The following DNAAF5 variants were observed in gnomAD, a reference collection of about 807,000 sequenced individuals.
The protein encoded by DNAAF5 is HEAT repeat containing 2.
Under a neutral mutation model 75.8 loss-of-function variants are expected in DNAAF5, and 64 were observed. The observed-to-expected ratio is 0.84, with a 90% confidence interval of 0.69 to 1.04. DNAAF5 has a LOEUF of 1.04. DNAAF5 is among the 50% of genes least tolerant of loss of function. DNAAF5 has a pLI of 0.00. For synonymous variants in DNAAF5, 657 were observed against 557.2 expected (o/e 1.18, Z -2.52); for missense variants, 1,269 against 1,178.5 (o/e 1.08, Z -1.12).
chr7:749,520 C>G (rs762792589), intron 4 of DNAAF5, among the ~76,000 whole-genome samples: 1 of 152,184 alleles, frequency 6.6e-6, no homozygotes, highest in Non-Finnish European at 1.5e-5. Flanking sequence ...CGCACCCATT[C>G]TGCTTTGCTT....
chr7:762,329 T>C (rs1782684314), intron 7 of DNAAF5, among the ~76,000 whole-genome samples: 2 of 151,820 alleles, frequency 1.3e-5, no homozygotes, highest in Admixed American at 1.3e-4. Flanking sequence ...CTACTAAAAA[T>C]ACAAAAAATT....
chr7:780,826 CTTTT>C (rs201445917), intron 12 of DNAAF5, among the ~76,000 whole-genome samples: 7 of 131,268 alleles, frequency 5.3e-5, no homozygotes, highest in Non-Finnish European at 1.2e-4. Context: ...TTTTTTTTTT[CTTTT>C]TTTTTTTTTT....
chr7:768,134 A>C (rs567218513), intron 8 of DNAAF5, among the ~76,000 whole-genome samples: 102 of 87,654 alleles, frequency 1.2e-3, no homozygotes, highest in Admixed American at 3.7e-3. Flanking sequence ...GGAAGTGTCC[A>C]TGCTGCGAGC....
rs4719279 is a variant in DNAAF5, at chr7:773,981, T to C, written c.1932-67T>C. The C allele has an allele frequency of 0.81, 1,275,447 of 1,582,518 alleles. 516,372 individuals are homozygous for C. Among genetic ancestry groups the C allele is most frequent in the South Asian group, 0.85 (76,948 of 90,374 alleles). Reference sequence around the variant, plus strand: ...CTCCCCCCTCAGCCCCATTCATCCCTAGTCTGAAACGTTTCTTCCGAGCAC... The same window carrying C: ...CTCCCCCCTCAGCCCCATTCATCCCCAGTCTGAAACGTTTCTTCCGAGCAC... On this transcript the variant is annotated intron_variant, in intron 9 of 12. Transcript: ENST00000297440.
At chr7:783,462 C>T (rs1008747472) in intron 12 of DNAAF5, among the ~76,000 whole-genome samples, 1 of 152,182 alleles carries the variant, frequency 6.6e-6, no homozygotes, top group Admixed American at 6.5e-5. Context: ...GACTCACAGA[C>T]CCTCTGAAGG....
intron 2 of DNAAF5, among the ~76,000 whole-genome samples, chr7:737,804 G>A (rs1781784328): frequency 6.6e-6 from 1 of 152,174 alleles, no homozygotes; most frequent in African/African-American, 2.4e-5. Flanking sequence ...TGCGTTGTAC[G>A]TGATTTGTTG....
chr7:783,044 C>T (rs1357092512), intron 12 of DNAAF5, among the ~76,000 whole-genome samples: 3 of 152,238 alleles, frequency 2.0e-5, no homozygotes, highest in Admixed American at 1.3e-4. Context: ...CAGGGCCAAG[C>T]TTTGGCTCAT....
At chr7:775,646 C>T (rs547981534) in intron 11 of DNAAF5, among the ~76,000 whole-genome samples, 41 of 152,238 alleles carry the variant, frequency 2.7e-4, no homozygotes, top group African/African-American at 9.9e-4. Context: ...TTCCACAGTT[C>T]CAAAAAGCAA....
intron 10 of DNAAF5, 82 bp downstream of exon 10, chr7:774,280 G>A (rs1778679644): frequency 7.1e-7 from 1 of 1,413,988 alleles, no homozygotes; most frequent in South Asian, 1.4e-5. Flanking sequence ...TCCCGCAGCA[G>A]GAACTTGGGC....
chr7:754,848 C>T lies in DNAAF5; in HGVS notation c.1257+27C>T, dbSNP rs779062265. The T allele has an allele frequency of 2.1e-5, 32 of 1,515,504 alleles. No individual in the cohort carries two copies. Among genetic ancestry groups the T allele is most frequent in the Admixed American group, 5.6e-5 (3 of 53,674 alleles). 93.9% of individuals were successfully genotyped at this position (1,515,504 alleles called of 1,614,324 possible). The stretch of plus-strand genomic sequence containing the variant: ...TAAGTGGCCGTATTCCAGTCGTGGT[C>T]GCGGAGCTGTAACTCGAGCTTAAGA... On this transcript the variant is annotated intron_variant, in intron 5 of 12. Transcript: ENST00000297440. The surrounding 1 kb of genome is among the most constrained non-coding windows in gnomAD (Gnocchi z 4.8).
intron 8 of DNAAF5, among the ~76,000 whole-genome samples, chr7:765,463 C>T (rs1350796775): frequency 5.3e-5 from 8 of 152,216 alleles, no homozygotes; most frequent in Admixed American, 5.2e-4. Flanking sequence ...ATTGGGCACA[C>T]AAACCCCGAG....
At chr7:775,643 G>C (rs1451449138) in intron 11 of DNAAF5, among the ~76,000 whole-genome samples, 2 of 152,184 alleles carry the variant, frequency 1.3e-5, no homozygotes, top group Non-Finnish European at 2.9e-5. Context: ...GAATTCCACA[G>C]TTCCAAAAAG....
intron 4 of DNAAF5, among the ~76,000 whole-genome samples, chr7:745,653 A>G (rs763572045): frequency 1.9e-4 from 29 of 151,372 alleles, no homozygotes; most frequent in African/African-American, 7.3e-5. Context: ...ACACACGTAC[A>G]CACTTATCCT....
chr7:748,591 C>T (rs573611064), intron 4 of DNAAF5, among the ~76,000 whole-genome samples: 6 of 152,282 alleles, frequency 3.9e-5, no homozygotes, highest in African/African-American at 1.4e-4. Flanking sequence ...CTCAGAGCTC[C>T]GGCAGCTGCC....
chr7:747,004 C>G (rs1415451248), intron 4 of DNAAF5, among the ~76,000 whole-genome samples: 2 of 152,258 alleles, frequency 1.3e-5, no homozygotes, highest in South Asian at 2.1e-4. Context: ...GTCACGTTCC[C>G]TCCCGTGGAT....
intron 1 of DNAAF5, among the ~76,000 whole-genome samples, chr7:729,271 G>A (rs1056936802): frequency 1.3e-5 from 2 of 152,222 alleles, no homozygotes; most frequent in Admixed American, 6.5e-5. Context: ...GGCTGGGAGT[G>A]TGGCCTCGCC....
chr7:748,600 C>G (rs918880514), intron 4 of DNAAF5, among the ~76,000 whole-genome samples: 1 of 152,166 alleles, frequency 6.6e-6, no homozygotes, highest in African/African-American at 2.4e-5. Context: ...CCGGCAGCTG[C>G]CGCCCCCATC....
In DNAAF5 at chr7:775,511, G is replaced by GGTGTGT. The variant is rs10582414; in HGVS notation, c.2239+372_2239+377dup. Among the ~76,000 whole-genome samples, 1,123 of 150,612 alleles carry GGTGTGT rather than the reference G, an allele frequency of 7.5e-3. 15 individuals are homozygous for GGTGTGT. Among genetic ancestry groups the GGTGTGT allele is most frequent in the Middle Eastern group, 0.024 (7 of 286 alleles). ...CCAAAACCTTGTCTTTAAAAGTAGG[G>GGTGTGT]GTGTGTGTGTGTGTGTGTGTGTGTG... On this transcript the variant is annotated intron_variant, in intron 11 of 12. Coordinates refer to ENST00000297440, the MANE Select transcript of DNAAF5 (RefSeq NM_017802.4).
intron 6 of DNAAF5, among the ~76,000 whole-genome samples, chr7:757,359 G>C (rs1782519695): frequency 6.6e-6 from 1 of 152,232 alleles, no homozygotes; most frequent in Non-Finnish European, 1.5e-5. Flanking sequence ...CCATGGCCGG[G>C]ACCCTCTGGC....
Sources: allele counts gnomAD v4.1 joint callset (sites outside exome capture counted in the v4.1 genomes callset), GRCh38; gene constraint gnomAD v4.1.1; non-coding constraint Gnocchi (gnomAD v3.1); transcripts MANE v1.5; gene names NCBI Gene and HGNC (gene_info 2026-07-23, HGNC 2026-07-21).